Variants in CDH12 observed in about 807,000 individuals in gnomAD.
CDH12 encodes cadherin-12.
A neutral mutation model predicts 74.1 loss-of-function variants in CDH12; 41 were observed. That is an observed-to-expected ratio of 0.55 (90% CI 0.43 to 0.72). The LOEUF (loss-of-function observed/expected upper bound fraction) is 0.72, where lower values mean the gene tolerates loss of function less well. Ranked by LOEUF, CDH12 falls within the 30% of genes least tolerant of loss-of-function variation. CDH12 has a pLI of 0.00. For synonymous variants in CDH12, 399 were observed against 355.0 expected, an observed-to-expected ratio of 1.12 and a Z score of -1.39; for missense variants, 945 against 977.2, an observed-to-expected ratio of 0.97 and a Z score of 0.44.
chr5:22,215,166 TG>T (rs1751754882), intron 3 of CDH12, among the ~76,000 whole-genome samples: 1 of 151,836 alleles, frequency 6.6e-6, no homozygotes, highest in South Asian at 2.1e-4. Context: ...GTTAGGGCTC[TG>T]AGAAGTTAAG....
At chr5:21,835,324 A>G (rs1749468179) in intron 8 of CDH12, among the ~76,000 whole-genome samples, 1 of 151,772 alleles carries the variant, frequency 6.6e-6, no homozygotes, top group Admixed American at 6.6e-5. Flanking sequence ...TTTATAAAGA[A>G]TTATGAATGC....
chr5:22,752,684 G>A (rs1213700970), intron 1 of CDH12, among the ~76,000 whole-genome samples: 17 of 75,006 alleles, frequency 2.3e-4, no homozygotes, highest in African/African-American at 9.0e-4. Flanking sequence ...CCATTCTCCT[G>A]CCTCAGCCTC....
chr5:22,635,633 A>T (rs1738799051), intron 1 of CDH12, among the ~76,000 whole-genome samples: 1 of 152,174 alleles, frequency 6.6e-6, no homozygotes. Flanking sequence ...AATATTTTCC[A>T]GTCTGGGCGC....
intron 1 of CDH12, among the ~76,000 whole-genome samples, chr5:22,564,664 C>T (rs1389046466): frequency 2.0e-5 from 3 of 152,132 alleles, no homozygotes. Flanking sequence ...CTATTACTTA[C>T]ATAGATCTAA....
rs146895298 is a variant in CDH12 at position 22,327,840 on chromosome 5, C to A, written c.-333+77417G>T. 1.1e-4 allele frequency among the ~76,000 whole-genome samples: 17 copies of A among 152,254 alleles called. 1 individual carries two copies. Among genetic ancestry groups the A allele is most frequent in the Admixed American group, 6.5e-4 (10 of 15,294 alleles). On this transcript the variant is annotated intron_variant, in intron 3 of 14. Coordinates refer to ENST00000382254, the MANE Select transcript of CDH12 (RefSeq NM_004061.5). ...AAACAAAATTACCTTGTCCTTTGATCTCCCCATGAGAGGTCTTAGTAGTAA... is the reference window on the plus strand; with the variant it reads ...AAACAAAATTACCTTGTCCTTTGATATCCCCATGAGAGGTCTTAGTAGTAA...
chr5:22,269,869 G>T (rs1158770656), intron 3 of CDH12, among the ~76,000 whole-genome samples: 1 of 152,086 alleles, frequency 6.6e-6, no homozygotes, highest in Admixed American at 6.6e-5. Flanking sequence ...GCACAAGCTT[G>T]GGGCCCATTT....
intron 2 of CDH12, among the ~76,000 whole-genome samples, chr5:22,502,994 C>T (rs1451671985): frequency 6.6e-6 from 1 of 151,986 alleles, no homozygotes; most frequent in Non-Finnish European, 1.5e-5. Context: ...TAGTCTAGTT[C>T]AAATGTCCTT....
In CDH12 at chr5:22,381,825, G is replaced by GA. The variant is rs1055658666; in HGVS notation, c.-333+23431dup. Reference sequence around the variant, plus strand: ...CTAACAGACACCAAAGGAAGTTCGGGAAAAAAAAACGAAACTGCCGTCTTA... The same window carrying GA: ...CTAACAGACACCAAAGGAAGTTCGGGAAAAAAAAAACGAAACTGCCGTCTTA... On this transcript the variant is annotated intron_variant, in intron 3 of 14. Transcript: ENST00000382254. 3.0e-4 allele frequency among the ~76,000 whole-genome samples: 44 copies of GA among 144,920 alleles called. 1 individual carries two copies. Among genetic ancestry groups the GA allele is most frequent in the African/African-American group, 7.6e-4 (30 of 39,582 alleles).
chr5:21,841,519 A>G (rs1463615265), intron 8 of CDH12, among the ~76,000 whole-genome samples: 1 of 148,968 alleles, frequency 6.7e-6, no homozygotes, highest in African/African-American at 2.5e-5. Flanking sequence ...TATATACCCA[A>G]AGGACTATAA....
At chr5:21,857,943 C>T (rs1477372902) in intron 6 of CDH12, among the ~76,000 whole-genome samples, 2 of 151,734 alleles carry the variant, frequency 1.3e-5, no homozygotes, top group East Asian at 2.0e-4. Context: ...TTCCTCTGTG[C>T]TCAGACAGAG....
intron 1 of CDH12, among the ~76,000 whole-genome samples, chr5:22,671,264 T>A (rs1740884766): frequency 6.6e-6 from 1 of 152,184 alleles, no homozygotes. Flanking sequence ...TCTGTGTGTG[T>A]GTGTAGAGTA....
At chr5:21,865,920 A>G (rs879102656) in intron 6 of CDH12, among the ~76,000 whole-genome samples, 1 of 152,160 alleles carries the variant, frequency 6.6e-6, no homozygotes. Context: ...AGCTCCCATA[A>G]TTCCCTTATG....
intron 7 of CDH12, among the ~76,000 whole-genome samples, chr5:21,854,363 A>C (rs963069763): frequency 6.6e-5 from 10 of 151,818 alleles, no homozygotes; most frequent in Middle Eastern, 3.4e-3. Context: ...TGAAATGAAA[A>C]GCTATTATAG....
chr5:22,187,532 T>C lies in CDH12; in HGVS notation c.-187+24966A>G, dbSNP rs573671821. 1.2e-3 allele frequency among the ~76,000 whole-genome samples: 185 copies of C among 150,872 alleles called. 1 individual carries two copies. Among genetic ancestry groups the C allele is most frequent in the African/African-American group, 4.2e-3 (174 of 41,024 alleles). On this transcript the variant is annotated intron_variant, in intron 4 of 14. Coordinates refer to ENST00000382254, the MANE Select transcript of CDH12 (RefSeq NM_004061.5). ...AGCAGAATGTCTCAAGAGAGCTGATTTCCTTCACTTTCAAGTTCATTGTGA... is the reference window on the plus strand; with the variant it reads ...AGCAGAATGTCTCAAGAGAGCTGATCTCCTTCACTTTCAAGTTCATTGTGA...
intron 6 of CDH12, among the ~76,000 whole-genome samples, chr5:21,963,996 C>G (rs1232094227): frequency 6.6e-6 from 1 of 151,852 alleles, no homozygotes; most frequent in Non-Finnish European, 1.5e-5. Context: ...TCTAGAATCC[C>G]CTTCTTAGGT....
At chr5:21,823,248 C>G (rs568907236) in intron 8 of CDH12, among the ~76,000 whole-genome samples, 12 of 152,076 alleles carry the variant, frequency 7.9e-5, no homozygotes, top group African/African-American at 2.9e-4. Context: ...ACTGAGAATC[C>G]GAGCTGAGAC....
chr5:21,948,725 G>A (rs1755689930), intron 6 of CDH12, among the ~76,000 whole-genome samples: 1 of 152,058 alleles, frequency 6.6e-6, no homozygotes, highest in Admixed American at 6.6e-5. Flanking sequence ...GGAATGATAT[G>A]GTTTGGCTCT....
chr5:22,515,930 C>T (rs757816495), intron 1 of CDH12, among the ~76,000 whole-genome samples: 11 of 151,754 alleles, frequency 7.2e-5, no homozygotes, highest in Non-Finnish European at 1.2e-4. Flanking sequence ...CTTTATAGGA[C>T]AAATAATTAT....
At chr5:22,270,305 T>C (rs140810244) in intron 3 of CDH12, among the ~76,000 whole-genome samples, 22 of 152,230 alleles carry the variant, frequency 1.4e-4, no homozygotes, top group African/African-American at 5.3e-4. Flanking sequence ...TTTAAAAATA[T>C]TTTATTTTGG....
Sources: gnomAD v4.1 joint callset for allele counts (sites outside exome capture counted in the v4.1 genomes callset) on GRCh38, gnomAD v4.1.1 for gene constraint, MANE v1.5 for transcripts, NCBI Gene and HGNC (gene_info 2026-07-23, HGNC 2026-07-21) for gene names.